RFX1: variants seen among roughly 807,000 people sequenced by gnomAD.
The protein encoded by RFX1 is MHC class II regulatory factor RFX1.
In RFX1, 42 loss-of-function variants were observed where a neutral mutation model predicts 119.6. The ratio of observed to expected loss-of-function variants is 0.35; its 90% CI spans 0.27 to 0.45. The LOEUF is 0.45. Among genes scored for constraint, RFX1 ranks in the 20% least tolerant of loss-of-function variants. The pLI, the probability that RFX1 is intolerant of heterozygous loss-of-function variation, is 1.00. For missense variants in RFX1, 1,118 were observed against 1,368.1 expected (o/e 0.82, Z 2.88); for synonymous variants, 628 against 618.5 (o/e 1.02, Z -0.23).
At chr19:13,998,670 G>A (rs1357352880) in intron 1 of RFX1, among the ~76,000 whole-genome samples, 1 of 152,154 alleles carries the variant, frequency 6.6e-6, no homozygotes, top group Non-Finnish European at 1.5e-5. Context: ...GCTTTCGTCA[G>A]CAACATCATG....
rs192504197 is a variant in RFX1 at position 13,991,250 on chromosome 19, A to G, written c.319+2275T>C. Among the ~76,000 whole-genome samples, 930 of 152,338 alleles carry G rather than the reference A, an allele frequency of 6.1e-3. 5 individuals are homozygous for G. Among genetic ancestry groups the G allele is most frequent in the Non-Finnish European group, 9.5e-3 (645 of 68,028 alleles). On this transcript the variant is annotated intron_variant, in intron 2 of 20. Transcript: ENST00000254325. ...AAGGTTGCCTGCAGGGTCAGGGACC[A>G]GGATCATAGTATAAGACAAAGGTGA...
rs1974601996 is a variant in RFX1 at position 13,986,588 on chromosome 19, T to TGCGAGCGA, written c.320-3001_320-2994dup. On this transcript the variant is annotated intron_variant, in intron 2 of 20. Transcript: ENST00000254325. This position sits in a 1 kb window ranked among gnomAD's most constrained non-coding sequence, Gnocchi z 4.2. ...GGGAAGTGGGGGGTGGCACTGAGTC[T>TGCGAGCGA]GCGAGCGAGCGTCTGCATCTATCTG... Among the ~76,000 whole-genome samples the TGCGAGCGA allele has an allele frequency of 6.6e-6, 1 of 152,152 alleles. No individual in the cohort carries two copies. The highest frequency in any genetic ancestry group is 1.5e-5 in the Non-Finnish European group (1 of 67,994).
At position 13,969,136 on chromosome 19, in the gene RFX1, G is replaced by A. The variant is rs1973996111; in HGVS notation, c.1497-242C>T. Reference sequence around the variant, plus strand: ...GAATGGATGAATGGCTGAACGAGGTGACGCTGAAGCTGGGAATGGGAACCG... The same window carrying A: ...GAATGGATGAATGGCTGAACGAGGTAACGCTGAAGCTGGGAATGGGAACCG... On this transcript the variant is annotated intron_variant, in intron 10 of 20. Coordinates refer to ENST00000254325, the MANE Select transcript of RFX1 (RefSeq NM_002918.5). The surrounding 1 kb of genome is among the most constrained non-coding windows in gnomAD (Gnocchi z 4.5). Among the ~76,000 whole-genome samples, 1 of 152,222 alleles carries A rather than the reference G, an allele frequency of 6.6e-6. No homozygotes were observed. The highest frequency in any genetic ancestry group is 1.5e-5 in the Non-Finnish European group (1 of 68,040).
chr19:13,983,406 G>C, intron 3 of RFX1, 80 bp downstream of exon 3: 1 of 1,266,550 alleles, frequency 7.9e-7, no homozygotes, highest in Non-Finnish European at 1.1e-6. Context: ...GCGGGGAGGG[G>C]AGGTGAGGCC....
At position 13,966,336 on chromosome 19, in the gene RFX1, G is replaced by T; in HGVS notation, c.1961+85C>A. The T allele has an allele frequency of 1.2e-6, 1 of 816,120 alleles. No individual in the cohort carries two copies. 50.6% of individuals were successfully genotyped at this position (816,120 alleles called of 1,614,324 possible). On this transcript the variant is annotated intron_variant, in intron 14 of 20. Transcript: ENST00000254325. The surrounding 1 kb of genome is among the most constrained non-coding windows in gnomAD (Gnocchi z 6.3). ...CCCACAAACTGCAGGGGACAAGCAG[G>T]TGCCCCAACCCTGGCCATCAAAATC...
intron 20 of RFX1, 30 bp downstream of exon 20, chr19:13,962,964 G>C (rs1599468658): frequency 6.5e-7 from 1 of 1,549,074 alleles, no homozygotes; most frequent in Non-Finnish European, 8.7e-7. Flanking sequence ...CCCGGGACCC[G>C]CGCCCTGGGT....
rs780862548 is a variant in RFX1 at position 13,963,290 on chromosome 19, G to C, written c.2571-15C>G. ...TCACCATGGAGCTGGGGATGGAGAC[G>C]GAGAGGAGACCGTCAGGCCCCGTCC... On this transcript the variant is annotated splice_polypyrimidine_tract_variant and intron_variant, in intron 18 of 20. Transcript: ENST00000254325. The C allele has an allele frequency of 2.5e-6, 4 of 1,603,516 alleles. No individual in the cohort carries two copies. The Admixed American group carries it at 5.1e-5, about 20-fold the overall frequency.
chr19:13,968,268 A>G lies in RFX1; in HGVS notation c.1732+297T>C, dbSNP rs896238397. Among the ~76,000 whole-genome samples the G allele has an allele frequency of 6.6e-6, 1 of 152,016 alleles. No homozygotes were observed. The highest frequency in any genetic ancestry group is 1.5e-5 in the Non-Finnish European group (1 of 67,998). ...CTATCTCAAAAAAATAAACAAATAA[A>G]TACAAAAATAAAGAAAATCTCAAGT... On this transcript the variant is annotated intron_variant, in intron 12 of 20. Coordinates refer to ENST00000254325, the MANE Select transcript of RFX1 (RefSeq NM_002918.5). This position sits in a 1 kb window ranked among gnomAD's most constrained non-coding sequence, Gnocchi z 5.5.
At chr19:13,979,819 C>G (rs1191286210) in intron 6 of RFX1, among the ~76,000 whole-genome samples, 2 of 152,172 alleles carry the variant, frequency 1.3e-5, no homozygotes, top group Non-Finnish European at 2.9e-5. Flanking sequence ...AACCCGCAGG[C>G]AAGGCCTTGG....
At chr19:13,963,401 T>G in intron 18 of RFX1, 126 bp from the exon 19 acceptor site, 1 of 1,430,260 alleles carries the variant, frequency 7.0e-7, no homozygotes, top group Non-Finnish European at 9.4e-7. Flanking sequence ...CGCACAGCCT[T>G]CCCGGCACAT....
chr19:13,983,311 C>T, intron 3 of RFX1, 41 bp from the exon 4 acceptor site: 1 of 1,498,540 alleles, frequency 6.7e-7, no homozygotes, highest in Non-Finnish European at 9.0e-7. Flanking sequence ...GCCACTTCCC[C>T]CAGGGAGGCC....
chr19:14,001,401 A>G (rs868356833), intron 1 of RFX1, among the ~76,000 whole-genome samples: 1 of 152,130 alleles, frequency 6.6e-6, no homozygotes, highest in South Asian at 2.1e-4. Flanking sequence ...CCTGGGCTCA[A>G]GTGATCCTCC....
chr19:13,984,794 A>G (rs1181470228), intron 2 of RFX1, among the ~76,000 whole-genome samples: 1 of 152,128 alleles, frequency 6.6e-6, no homozygotes, highest in Non-Finnish European at 1.5e-5. Flanking sequence ...AGGAGTTATC[A>G]CTGCAGACAC....
Position 13,980,647 on chromosome 19 carries a change from C to A in RFX1, c.664G>T (p.Gly222Trp). 6.3e-7 allele frequency: 1 copy of A among 1,589,436 alleles called. No individual in the cohort carries two copies. Among genetic ancestry groups the A allele is most frequent in the East Asian group, 2.3e-5 (1 of 44,298 alleles). The change falls in exon 6 of 21, where the codon GGG becomes TGG. Residue 222 changes from glycine to tryptophan, a missense_variant. Gly to Trp is a radical substitution (Grantham distance 184). Coordinates refer to ENST00000254325, the MANE Select transcript of RFX1 (RefSeq NM_002918.5). The surrounding 1 kb of genome is among the most constrained non-coding windows in gnomAD (Gnocchi z 5.1). ...QANSSSSKTA[G>W]APTGTVPQQL... ...TGTGGCACTGTGCCCGTGGGGGCCC[C>A]GGCTGTCTTGCTGGAAGAGCTGTTG...
rs775693470 is a variant in RFX1, at chr19:13,973,080, G to C, written c.977C>G (p.Thr326Arg). 1.2e-6 allele frequency: 2 copies of C among 1,601,472 alleles called. No homozygotes were observed. Among genetic ancestry groups the C allele is most frequent in the Non-Finnish European group, 1.7e-6 (2 of 1,179,866 alleles). ...GGCCTCGTAGTAGCTGGTGCTTGCC[G>C]TCTGCGTGTACAGCGGCGTCTCGGG... Reference protein sequence around the residue: ...SYPETPLYTQTASTSYYEAAG... With the variant: ...SYPETPLYTQRASTSYYEAAG... Residue 326 changes from threonine (T) to arginine (R), a missense_variant, in exon 9 of 21, where the codon ACG becomes AGG. Physicochemically the swap from Thr to Arg is moderately conservative, Grantham distance 71 (BLOSUM62 -1). This residue lies in a region of RFX1 where 542 missense variants were observed against 602.7 expected (regional missense o/e 0.90). Transcript: ENST00000254325.
At chr19:13,988,327 C>T (rs1272142310) in intron 2 of RFX1, among the ~76,000 whole-genome samples, 1 of 152,154 alleles carries the variant, frequency 6.6e-6, no homozygotes, top group African/African-American at 2.4e-5. Context: ...GCACCAGGGC[C>T]CCCCTGAGGG....
chr19:13,984,422 G>T (rs537728260), intron 2 of RFX1, among the ~76,000 whole-genome samples: 1 of 152,180 alleles, frequency 6.6e-6, no homozygotes, highest in African/African-American at 2.4e-5. Context: ...CGGGGCCTTC[G>T]CGGGGCTGGG....
intron 1 of RFX1, among the ~76,000 whole-genome samples, chr19:14,005,199 G>A (rs1260402099): frequency 6.6e-6 from 1 of 152,186 alleles, no homozygotes; most frequent in East Asian, 1.9e-4. Flanking sequence ...CAGCAGCCCA[G>A]AGAAAAGCAC....
At chr19:13,994,717 ATATGTG>A (rs1180981369) in intron 1 of RFX1, among the ~76,000 whole-genome samples, 1,711 of 108,388 alleles carry the variant, frequency 0.016, 39 homozygotes, top group African/African-American at 0.056. Flanking sequence ...GTCTAAATAT[ATATGTG>A]TGTGTGTGTG....
Sources: gnomAD v4.1 joint callset for allele counts (sites outside exome capture counted in the v4.1 genomes callset) on GRCh38, gnomAD v4.1.1 for gene constraint, gnomAD v4.1.1 regional missense constraint, Gnocchi (gnomAD v3.1) non-coding constraint, MANE v1.5 for transcripts, NCBI Gene and HGNC (gene_info 2026-07-23, HGNC 2026-07-21) for gene names.